Variants in IL1RAPL2 observed in about 807,000 individuals in gnomAD.
IL1RAPL2 encodes interleukin 1 receptor accessory protein like 2.
A neutral mutation model predicts 44.1 loss-of-function variants in IL1RAPL2; 3 were observed. That is an observed-to-expected ratio of 0.07 (90% CI 0.03 to 0.18). The LOEUF is 0.18. Among genes scored for constraint, IL1RAPL2 ranks in the 10% least tolerant of loss-of-function variants. The pLI, the probability that IL1RAPL2 is intolerant of heterozygous loss-of-function variation, is 1.00. For synonymous variants in IL1RAPL2, 181 were observed against 178.8 expected, an observed-to-expected ratio of 1.01 and a Z score of -0.10; for missense variants, 391 against 496.4, an observed-to-expected ratio of 0.79 and a Z score of 2.02.
chrX:105,079,107 C>A (rs1019383522), intron 2 of IL1RAPL2, among the ~76,000 whole-genome samples: 1 of 112,008 alleles, frequency 8.9e-6, no homozygotes, highest in African/African-American at 3.2e-5. Context: ...CAGAAATCAC[C>A]CGTCTTCTGC....
intron 7 of IL1RAPL2, among the ~76,000 whole-genome samples, chrX:105,729,118 C>T (rs903390161): frequency 5.4e-5 from 6 of 111,040 alleles, no homozygotes; most frequent in African/African-American, 2.0e-4. Flanking sequence ...CAATTGTTTA[C>T]CCATTTACCT....
intron 2 of IL1RAPL2, among the ~76,000 whole-genome samples, chrX:105,028,611 G>T (rs1213722858): frequency 2.7e-5 from 3 of 111,195 alleles, no homozygotes; most frequent in Non-Finnish European, 5.7e-5. Flanking sequence ...ATGCATAGTG[G>T]GTTGTATTAA....
At chrX:105,123,381 A>T (rs145719161) in intron 2 of IL1RAPL2, among the ~76,000 whole-genome samples, 67 of 111,322 alleles carry the variant, frequency 6.0e-4, no homozygotes, top group African/African-American at 2.0e-3. Flanking sequence ...TTAGGATGGC[A>T]TCATAGTTAA....
chrX:104,702,020 A>T (rs748668916), intron 2 of IL1RAPL2, among the ~76,000 whole-genome samples: 2 of 111,367 alleles, frequency 1.8e-5, no homozygotes, highest in Non-Finnish European at 3.8e-5. Flanking sequence ...ATTTACTCTC[A>T]TCTTATTCTG....
chrX:104,637,790 G>GTGTGTGTGTC (rs1929848484), intron 1 of IL1RAPL2, among the ~76,000 whole-genome samples: 1 of 109,231 alleles, frequency 9.2e-6, no homozygotes, highest in African/African-American at 3.3e-5. Context: ...GTGTGTGTGT[G>GTGTGTGTGTC]TGTGTGTGTG....
intron 2 of IL1RAPL2, among the ~76,000 whole-genome samples, chrX:105,072,559 A>G (rs1227852477): frequency 9.0e-6 from 1 of 111,439 alleles, no homozygotes. Context: ...GATGTGGACA[A>G]TGAAATCCAG....
intron 5 of IL1RAPL2, among the ~76,000 whole-genome samples, chrX:105,418,929 G>A (rs2035753646): frequency 8.9e-6 from 1 of 112,119 alleles, no homozygotes; most frequent in Non-Finnish European, 1.9e-5. Context: ...ATCCTCAGTA[G>A]CATCACTGGT....
intron 5 of IL1RAPL2, among the ~76,000 whole-genome samples, chrX:105,358,192 G>A (rs1173767433): frequency 9.0e-6 from 1 of 110,584 alleles, no homozygotes; most frequent in African/African-American, 3.3e-5. Flanking sequence ...ATGCAAATTT[G>A]CAGGCTTTAG....
chrX:105,706,829 T>C (rs1039283189), intron 6 of IL1RAPL2, among the ~76,000 whole-genome samples: 2 of 111,598 alleles, frequency 1.8e-5, no homozygotes, highest in African/African-American at 3.2e-5. Context: ...ATTATGATAT[T>C]GCTAACTGCA....
At chrX:105,503,854 C>T (rs762847141) in intron 6 of IL1RAPL2, among the ~76,000 whole-genome samples, 3 of 111,931 alleles carry the variant, frequency 2.7e-5, no homozygotes, top group South Asian at 3.8e-4. Context: ...TTCGTCATCA[C>T]ATGGCATTTT....
Position 105,363,308 on chromosome X carries a change from A to AT in IL1RAPL2, c.697+95767_697+95768insT, listed in dbSNP as rs1491419366. ...ATATATAATATATATATATATATAT[A>AT]ATATATATATATATATATATATTCT... On this transcript the variant is annotated intron_variant, in intron 5 of 10. Transcript: ENST00000372582. Among the ~76,000 whole-genome samples, 223 of 68,540 alleles carry AT rather than the reference A, an allele frequency of 3.3e-3. 4 individuals are homozygous for AT. Among genetic ancestry groups the AT allele is most frequent in the African/African-American group, 0.026 (203 of 7,808 alleles). 59.5% of individuals were successfully genotyped at this position (68,540 alleles called of 115,157 possible).
chrX:105,036,752 A>G (rs774554736), intron 2 of IL1RAPL2, among the ~76,000 whole-genome samples: 9 of 111,740 alleles, frequency 8.1e-5, no homozygotes, highest in Non-Finnish European at 1.7e-4. Flanking sequence ...TAATACTTTT[A>G]TGGCATTGAA....
intron 2 of IL1RAPL2, among the ~76,000 whole-genome samples, chrX:105,170,438 CTTACTA>C (rs1471517456): frequency 2.7e-5 from 3 of 111,019 alleles, no homozygotes; most frequent in Non-Finnish European, 5.7e-5. Context: ...TCAAATTGTA[CTTACTA>C]TTACTAATAT....
intron 2 of IL1RAPL2, among the ~76,000 whole-genome samples, chrX:104,692,490 A>C (rs112134060): frequency 9.2e-6 from 1 of 109,179 alleles, no homozygotes; most frequent in Non-Finnish European, 1.9e-5. Flanking sequence ...TCCTAATGCT[A>C]TCCCTCCCCC....
intron 7 of IL1RAPL2, among the ~76,000 whole-genome samples, chrX:105,739,180 C>G (rs148478148): frequency 2.7e-5 from 3 of 111,099 alleles, no homozygotes; most frequent in African/African-American, 9.8e-5. Context: ...AGATTTTTTC[C>G]CTTAATGCCA....
At chrX:105,661,356 G>A (rs963479069) in intron 6 of IL1RAPL2, among the ~76,000 whole-genome samples, 1 of 111,546 alleles carries the variant, frequency 9.0e-6, no homozygotes, top group Non-Finnish European at 1.9e-5. Context: ...TGTCAGCCTT[G>A]GACAGGCCTT....
chrX:105,262,097 G>A lies in IL1RAPL2; in HGVS notation c.544-5291G>A, dbSNP rs745468650. ...GTTGCTGGCTCGTGCAGCTGCTTCT[G>A]CTCCCAGTGAGCTGTGATTCTCTAT... is the stretch of plus-strand genomic sequence containing the variant. On this transcript the variant is annotated intron_variant, in intron 4 of 10. Coordinates refer to ENST00000372582, the MANE Select transcript of IL1RAPL2 (RefSeq NM_017416.2). Among the ~76,000 whole-genome samples, 5 of 112,147 alleles carry A rather than the reference G, an allele frequency of 4.5e-5. No individual in the cohort carries two copies. In the South Asian group the frequency reaches 1.9e-3, roughly 42 times the overall value.
At chrX:105,511,890 C>G (rs1273410835) in intron 6 of IL1RAPL2, among the ~76,000 whole-genome samples, 1 of 111,221 alleles carries the variant, frequency 9.0e-6, no homozygotes, top group Non-Finnish European at 1.9e-5. Flanking sequence ...GAACACCTCT[C>G]TATTTATATA....
At chrX:104,954,093 T>A (rs1925652524) in intron 2 of IL1RAPL2, among the ~76,000 whole-genome samples, 1 of 111,885 alleles carries the variant, frequency 8.9e-6, no homozygotes, top group Non-Finnish European at 1.9e-5. Flanking sequence ...TGGAATTAAT[T>A]CAGCTGGCCA....
Sources: allele counts gnomAD v4.1 joint callset (sites outside exome capture counted in the v4.1 genomes callset), GRCh38; gene constraint gnomAD v4.1.1; transcripts MANE v1.5; gene names NCBI Gene and HGNC (gene_info 2026-07-23, HGNC 2026-07-21).